The following CCDC50 variants were observed in gnomAD, a reference collection of about 807,000 sequenced individuals.
CCDC50 encodes the protein coiled-coil domain containing 50.
CCDC50 carries 54 observed loss-of-function variants against 70.2 expected under a neutral mutation model. The ratio of observed to expected loss-of-function variants is 0.77; its 90% CI spans 0.62 to 0.96. The LOEUF (loss-of-function observed/expected upper bound fraction) is 0.96. Ranked by LOEUF, CCDC50 falls within the 50% of genes least tolerant of loss-of-function variation. The pLI is 0.00. For synonymous variants in CCDC50, 216 were observed against 198.8 expected, an observed-to-expected ratio of 1.09 and a Z score of -0.73; for missense variants, 558 against 578.7, an observed-to-expected ratio of 0.96 and a Z score of 0.37.
At chr3:191,375,671 A>G in intron 6 of CCDC50, 82 bp downstream of exon 6, 1 of 1,437,358 alleles carries the variant, frequency 7.0e-7, no homozygotes. Flanking sequence ...ACCTTAAGCA[A>G]CCTTTCTTTC....
chr3:191,361,957 TTCCTC>T (rs1712505648), intron 4 of CCDC50, among the ~76,000 whole-genome samples: 1 of 152,162 alleles, frequency 6.6e-6, no homozygotes, highest in Non-Finnish European at 1.5e-5. Flanking sequence ...AGGTTTCCCT[TTCCTC>T]TGATCTGTTG....
At chr3:191,356,979 G>A in intron 1 of CCDC50, 109 bp from the exon 2 acceptor site, 1 of 748,326 alleles carries the variant, frequency 1.3e-6, no homozygotes, top group Non-Finnish European at 2.4e-6. Flanking sequence ...GTGTCATTCT[G>A]AAATATTAGA....
intron 10 of CCDC50, among the ~76,000 whole-genome samples, chr3:191,385,321 A>G (rs1159447605): frequency 6.6e-6 from 1 of 152,152 alleles, no homozygotes; most frequent in South Asian, 2.1e-4. Context: ...ATCCATGCTA[A>G]CATCTGTTAT....
At chr3:191,365,976 C>T (rs115963929) in intron 4 of CCDC50, among the ~76,000 whole-genome samples, 1,801 of 152,162 alleles carry the variant, frequency 0.012, 37 homozygotes, top group African/African-American at 0.039. Context: ...TTTCAGATTT[C>T]GGATTTTTGG....
intron 1 of CCDC50, among the ~76,000 whole-genome samples, chr3:191,349,374 T>C (rs777844323): frequency 7.0e-6 from 1 of 142,376 alleles, no homozygotes; most frequent in Non-Finnish European, 1.6e-5. Flanking sequence ...CATTAATATA[T>C]CTTAGACACA....
chr3:191,363,910 A>T lies in CCDC50; in HGVS notation c.330+2751A>T, dbSNP rs557051343. On this transcript the variant is annotated intron_variant, in intron 4 of 11. Coordinates refer to ENST00000392455, the MANE Select transcript of CCDC50 (RefSeq NM_178335.3). Reference sequence around the variant, plus strand: ...TTAAATGAAGAAAATTTGCGTGAGTAAAGTTTGTCATTGAGGGATATATGA... The same window carrying T: ...TTAAATGAAGAAAATTTGCGTGAGTTAAGTTTGTCATTGAGGGATATATGA... Among the ~76,000 whole-genome samples the T allele has an allele frequency of 1.6e-4, 24 of 152,288 alleles. No individual in the cohort carries two copies. In the South Asian group the frequency reaches 4.8e-3, roughly 30 times the overall value.
intron 4 of CCDC50, among the ~76,000 whole-genome samples, chr3:191,362,058 G>A (rs985272807): frequency 3.0e-4 from 45 of 152,098 alleles, no homozygotes; most frequent in African/African-American, 1.0e-3. Context: ...ATTACTAATA[G>A]TGTTTGGTTT....
chr3:191,370,189 G>T, intron 5 of CCDC50, 153 bp downstream of exon 5: 1 of 666,136 alleles, frequency 1.5e-6, no homozygotes, highest in Non-Finnish European at 2.7e-6. Context: ...GATTCTATTT[G>T]AATCTAATAA....
intron 10 of CCDC50, among the ~76,000 whole-genome samples, chr3:191,384,993 G>A (rs1713440184): frequency 6.6e-6 from 1 of 152,152 alleles, no homozygotes; most frequent in African/African-American, 2.4e-5. Context: ...CAAATGATAT[G>A]ATTTCATTCT....
At chr3:191,353,833 T>TA in intron 1 of CCDC50, among the ~76,000 whole-genome samples, 4 of 151,166 alleles carry the variant, frequency 2.6e-5, no homozygotes, top group Non-Finnish European at 5.9e-5. Flanking sequence ...TGTGTATGTG[T>TA]TCATGTACTT....
At position 191,329,423 on chromosome 3, in the gene CCDC50, T is replaced by C. The variant is rs1433270253; in HGVS notation, c.-252T>C. The C allele has an allele frequency of 1.4e-5, 6 of 419,908 alleles. No individual in the cohort carries two copies. The highest frequency in any genetic ancestry group is 4.7e-5 in the Admixed American group (1 of 21,126). The allele number at this position is 419,908 out of a possible 1,614,324, so 26.0% of individuals were successfully genotyped here. ...CCGGGCTCCGGATATTTGGTATCGA[T>C]TGGGGCCGGGGACGCGGAGCAGGTG... On this transcript the variant is annotated 5_prime_UTR_variant, in exon 1 of 12. Coordinates refer to ENST00000392455, the MANE Select transcript of CCDC50 (RefSeq NM_178335.3).
intron 1 of CCDC50, among the ~76,000 whole-genome samples, chr3:191,340,833 ATTCTAT>A (rs2108635018): frequency 6.6e-6 from 1 of 152,154 alleles, no homozygotes; most frequent in South Asian, 2.1e-4. Context: ...ATTGCTTCAG[ATTCTAT>A]TTCTTTTTCT....
intron 5 of CCDC50, among the ~76,000 whole-genome samples, chr3:191,373,868 A>G (rs1002833229): frequency 6.6e-6 from 1 of 152,188 alleles, no homozygotes; most frequent in African/African-American, 2.4e-5. Flanking sequence ...GGAAACTTAC[A>G]TAATTGGTAC....
At chr3:191,329,794 C>T (rs1717888377) in intron 1 of CCDC50, 71 bp downstream of exon 1, 13 of 1,525,560 alleles carry the variant, frequency 8.5e-6, no homozygotes, top group Non-Finnish European at 9.8e-6. Context: ...AGGTCAGGGG[C>T]GTTGCCATTT....
At chr3:191,343,831 A>G (rs1398889599) in intron 1 of CCDC50, among the ~76,000 whole-genome samples, 1 of 152,184 alleles carries the variant, frequency 6.6e-6, no homozygotes, top group South Asian at 2.1e-4. Context: ...TACCAGTTGT[A>G]TTTCAAGAAT....
chr3:191,333,085 CT>C lies in CCDC50; in HGVS notation c.49+3363del, dbSNP rs542600883. Among the ~76,000 whole-genome samples, 204 of 152,146 alleles carry C rather than the reference CT, an allele frequency of 1.3e-3. 1 individual carries two copies. The highest frequency in any genetic ancestry group is 4.7e-3 in the African/African-American group (196 of 41,512). On this transcript the variant is annotated intron_variant, in intron 1 of 11. Coordinates refer to ENST00000392455, the MANE Select transcript of CCDC50 (RefSeq NM_178335.3). Reference sequence around the variant, plus strand: ...TACATTCTTTAGGTGGAAAGTTCCACTGTCTCAAAGTTGGTGAATTCTGTGT... The same window carrying C: ...TACATTCTTTAGGTGGAAAGTTCCACGTCTCAAAGTTGGTGAATTCTGTGT...
intron 4 of CCDC50, among the ~76,000 whole-genome samples, chr3:191,363,307 A>G (rs979300800): frequency 1.3e-5 from 2 of 152,226 alleles, no homozygotes; most frequent in Non-Finnish European, 2.9e-5. Context: ...TGTACAATTC[A>G]GGTCTCCTGA....
rs879678694 is a variant in CCDC50, at chr3:191,393,112, C to T, written c.*1352C>T. The T allele has an allele frequency of 3.9e-5, 6 of 152,176 alleles. No homozygotes were observed. Among genetic ancestry groups the T allele is most frequent in the Non-Finnish European group, 7.4e-5 (5 of 68,020 alleles). 9.4% of individuals were successfully genotyped at this position (152,176 alleles called of 1,614,324 possible). A position where few individuals can be genotyped will look rare whatever the true frequency, so the allele number is the denominator to read the frequency against. On this transcript the variant is annotated 3_prime_UTR_variant, in exon 12 of 12. Coordinates refer to ENST00000392455, the MANE Select transcript of CCDC50 (RefSeq NM_178335.3). ...TATTCCTCTGTACAAGACCTTTAAG[C>T]ACCTCTTCAAGAAATTTAGTCTTTG... is the stretch of plus-strand genomic sequence containing the variant.
At chr3:191,343,104 T>C (rs1711788942) in intron 1 of CCDC50, among the ~76,000 whole-genome samples, 1 of 152,142 alleles carries the variant, frequency 6.6e-6, no homozygotes, top group Non-Finnish European at 1.5e-5. Flanking sequence ...CTGAGGGACT[T>C]TTCATATACC....
Sources: allele counts gnomAD v4.1 joint callset (sites outside exome capture counted in the v4.1 genomes callset), GRCh38; gene constraint gnomAD v4.1.1; transcripts MANE v1.5; gene names NCBI Gene and HGNC (gene_info 2026-07-23, HGNC 2026-07-21).